The following PPARGC1A variants were observed in gnomAD, a reference collection of about 807,000 sequenced individuals.
The protein encoded by PPARGC1A is PPARG coactivator 1 alpha.
Under a neutral mutation model 88.7 loss-of-function variants are expected in PPARGC1A, and 25 were observed. The ratio of observed to expected loss-of-function variants is 0.28; its 90% confidence interval spans 0.21 to 0.39. The LOEUF (loss-of-function observed/expected upper bound fraction) is 0.39, where lower values mean the gene tolerates loss of function less well. Ranked by LOEUF, PPARGC1A falls within the 10% of genes least tolerant of loss-of-function variation. The pLI is 1.00. For synonymous variants in PPARGC1A, 363 were observed against 355.6 expected (o/e 1.02, Z -0.24); for missense variants, 880 against 968.7 (o/e 0.91, Z 1.22).
the PPARGC1A span, among the ~76,000 whole-genome samples, chr4:24,301,852 C>T: frequency 1.3e-3 from 203 of 152,100 alleles, 2 homozygotes; most frequent in African/African-American, 4.3e-3. Context: ...TTCATCCTAC[C>T]CATTTAATCT....
chr4:23,886,663 G>C (rs890271074), intron 1 of PPARGC1A, among the ~76,000 whole-genome samples: 12 of 152,138 alleles, frequency 7.9e-5, no homozygotes, highest in African/African-American at 2.9e-4. Flanking sequence ...GGGCTGAAGA[G>C]ATCTCGTTCT....
the PPARGC1A span, among the ~76,000 whole-genome samples, chr4:24,296,362 A>C: frequency 6.6e-6 from 1 of 152,114 alleles, no homozygotes; most frequent in African/African-American, 2.4e-5. Flanking sequence ...AAATTAACAT[A>C]TATTCTTCTC....
At chr4:24,220,948 C>G in the PPARGC1A span, among the ~76,000 whole-genome samples, 4 of 152,046 alleles carry the variant, frequency 2.6e-5, no homozygotes, top group Non-Finnish European at 5.9e-5. Flanking sequence ...AAAGAAATAG[C>G]AAATCCTACT....
the PPARGC1A span, among the ~76,000 whole-genome samples, chr4:24,318,064 A>G: frequency 6.6e-6 from 1 of 152,202 alleles, no homozygotes; most frequent in Non-Finnish European, 1.5e-5. Flanking sequence ...AGTTCTCCAC[A>G]TGGGAAGCTA....
At chr4:24,279,549 C>CA in the PPARGC1A span, among the ~76,000 whole-genome samples, 71 of 151,988 alleles carry the variant, frequency 4.7e-4, 2 homozygotes, top group East Asian at 3.5e-3. Context: ...GCTCTCAAAC[C>CA]AAAAAAAGTA....
chr4:24,044,599 G>A, the PPARGC1A span, among the ~76,000 whole-genome samples: 1 of 152,116 alleles, frequency 6.6e-6, no homozygotes, highest in South Asian at 2.1e-4. Context: ...TGAAAAATGT[G>A]GGCTTAGGCA....
At chr4:24,036,932 T>C in the PPARGC1A span, among the ~76,000 whole-genome samples, 3 of 152,212 alleles carry the variant, frequency 2.0e-5, no homozygotes, top group South Asian at 6.2e-4. Flanking sequence ...TATGGAAGTA[T>C]TTGCTATTAA....
intron 2 of PPARGC1A, among the ~76,000 whole-genome samples, chr4:23,878,556 A>C (rs1715283741): frequency 6.6e-6 from 1 of 152,176 alleles, no homozygotes; most frequent in Non-Finnish European, 1.5e-5. Flanking sequence ...GGTCAGCATA[A>C]TGGCAGGGAA....
At chr4:24,005,796 G>A in the PPARGC1A span, among the ~76,000 whole-genome samples, 1 of 152,110 alleles carries the variant, frequency 6.6e-6, no homozygotes, top group African/African-American at 2.4e-5. Flanking sequence ...AAAAGATGGA[G>A]CAGAATCAAG....
intron 1 of PPARGC1A, chr4:23,889,268 G>C (rs1325193113): frequency 1.0e-6 from 1 of 985,362 alleles, no homozygotes; most frequent in Non-Finnish European, 1.2e-6. Flanking sequence ...CGACGCGAAC[G>C]GAAAACCTTG....
At chr4:24,102,454 G>C in the PPARGC1A span, among the ~76,000 whole-genome samples, 1 of 152,178 alleles carries the variant, frequency 6.6e-6, no homozygotes. Context: ...GAAATTTGGG[G>C]ACAAGGGTCC....
At chr4:24,337,225 C>A in the PPARGC1A span, among the ~76,000 whole-genome samples, 1 of 152,228 alleles carries the variant, frequency 6.6e-6, no homozygotes, top group African/African-American at 2.4e-5. Flanking sequence ...CTGACTCTCA[C>A]CGCCCCACCC....
chr4:24,018,998 G>C, the PPARGC1A span, among the ~76,000 whole-genome samples: 4 of 152,152 alleles, frequency 2.6e-5, no homozygotes, highest in African/African-American at 9.7e-5. Context: ...TTTATGCTCA[G>C]CATATTTGAA....
chr4:24,335,039 G>A, the PPARGC1A span, among the ~76,000 whole-genome samples: 2 of 152,168 alleles, frequency 1.3e-5, no homozygotes, highest in African/African-American at 2.4e-5. Context: ...TATCATTAAG[G>A]GAAGCAATTA....
At chr4:24,284,820 A>G in the PPARGC1A span, among the ~76,000 whole-genome samples, 1,312 of 152,284 alleles carry the variant, frequency 8.6e-3, 5 homozygotes, top group Admixed American at 0.012. Flanking sequence ...TGAGGTCAGG[A>G]GTTGGAGACC....
At chr4:24,062,483 G>C in the PPARGC1A span, among the ~76,000 whole-genome samples, 1 of 152,194 alleles carries the variant, frequency 6.6e-6, no homozygotes, top group Non-Finnish European at 1.5e-5. Context: ...CTCTTCCACT[G>C]TGCTCCCATA....
intron 12 of PPARGC1A, among the ~76,000 whole-genome samples, chr4:23,801,438 A>G (rs1718720698): frequency 6.6e-6 from 1 of 152,296 alleles, no homozygotes. Context: ...CACAACACAC[A>G]TACAGAAATC....
At chr4:24,067,818 T>C in the PPARGC1A span, among the ~76,000 whole-genome samples, 1 of 152,174 alleles carries the variant, frequency 6.6e-6, no homozygotes, top group Non-Finnish European at 1.5e-5. Context: ...CAGCTGCTGA[T>C]TTCTCTGAAT....
chr4:24,229,241 C>T, the PPARGC1A span, among the ~76,000 whole-genome samples: 6 of 144,064 alleles, frequency 4.2e-5, no homozygotes, highest in Non-Finnish European at 6.0e-5. Context: ...GAAACCTCCA[C>T]CTCCCGGGTT....
Sources: gnomAD v4.1 joint callset for allele counts (sites outside exome capture counted in the v4.1 genomes callset) on GRCh38, gnomAD v4.1.1 for gene constraint, MANE v1.5 for transcripts, NCBI Gene and HGNC (gene_info 2026-07-23, HGNC 2026-07-21) for gene names.